ASAP1: variants seen among roughly 807,000 people sequenced by gnomAD.
ASAP1 encodes the protein arf-GAP with SH3 domain, ANK repeat and PH domain-containing protein 1.
ASAP1 carries 43 observed loss-of-function variants against 145.2 expected under a neutral mutation model. The ratio of observed to expected loss-of-function variants is 0.30; its 90% confidence interval spans 0.23 to 0.38. ASAP1 has a LOEUF of 0.38. Among genes scored for constraint, ASAP1 ranks in the 10% least tolerant of loss-of-function variants. The probability of loss-of-function intolerance (pLI) is 1.00; values close to 1 mark genes in which losing one functional copy is unlikely to be tolerated. For synonymous variants in ASAP1, 546 were observed against 515.5 expected (o/e 1.06, Z -0.80); for missense variants, 1,018 against 1,355.3 (o/e 0.75, Z 3.91).
chr8:130,215,990 GAAAGGAAAGGAAAGGAAAGGAAAGGAA>G (rs1332475668), intron 4 of ASAP1, among the ~76,000 whole-genome samples: 25 of 123,078 alleles, frequency 2.0e-4, no homozygotes, highest in African/African-American at 7.7e-4. Context: ...GAAAGGAAAG[GAAAGGAAAGGAAAGGAAAGGAAAGGAA>G]AAAGGAAAGG....
At chr8:130,223,854 ATTTG>A (rs142693215) in intron 4 of ASAP1, among the ~76,000 whole-genome samples, 9,655 of 151,996 alleles carry the variant, frequency 0.064, 1,042 homozygotes, top group African/African-American at 0.22. Flanking sequence ...CATGATAAAC[ATTTG>A]TTTATCATCT....
intron 4 of ASAP1, among the ~76,000 whole-genome samples, chr8:130,229,796 T>G (rs531023245): frequency 6.6e-6 from 1 of 152,274 alleles, no homozygotes. Flanking sequence ...ATCCCAACGC[T>G]TTAGTAGGCA....
intron 5 of ASAP1, among the ~76,000 whole-genome samples, chr8:130,211,816 G>A (rs966240240): frequency 7.9e-5 from 12 of 152,296 alleles, no homozygotes; most frequent in African/African-American, 2.9e-4. Context: ...AGTCTATAAA[G>A]TACCAAAGCA....
chr8:130,210,584 G>T (rs762629493), intron 5 of ASAP1, among the ~76,000 whole-genome samples: 23 of 152,126 alleles, frequency 1.5e-4, no homozygotes, highest in Admixed American at 7.2e-4. Flanking sequence ...TACCTTGCAC[G>T]CTAAACACAC....
intron 1 of ASAP1, among the ~76,000 whole-genome samples, chr8:130,405,926 A>C (rs1368365500): frequency 6.6e-6 from 1 of 152,218 alleles, no homozygotes; most frequent in Non-Finnish European, 1.5e-5. Context: ...CCAATACCTG[A>C]AGATAAATAC....
At chr8:130,152,343 T>C (rs1161295128) in intron 13 of ASAP1, among the ~76,000 whole-genome samples, 1 of 152,212 alleles carries the variant, frequency 6.6e-6, no homozygotes, top group Non-Finnish European at 1.5e-5. Context: ...AGGGCAAAAC[T>C]TACTGTGCAC....
intron 12 of ASAP1, among the ~76,000 whole-genome samples, chr8:130,155,625 G>A (rs1279033908): frequency 1.3e-5 from 2 of 152,336 alleles, no homozygotes; most frequent in East Asian, 3.9e-4. Context: ...GGGATTACAG[G>A]CATGAGCCAC....
intron 3 of ASAP1, among the ~76,000 whole-genome samples, chr8:130,301,493 C>T (rs1822659356): frequency 6.6e-6 from 1 of 152,198 alleles, no homozygotes; most frequent in East Asian, 1.9e-4. Flanking sequence ...TATAGCTGCA[C>T]TCCATATATA....
chr8:130,140,472 T>TTAGG (rs1391561146), intron 13 of ASAP1, among the ~76,000 whole-genome samples: 1 of 152,046 alleles, frequency 6.6e-6, no homozygotes, highest in African/African-American at 2.4e-5. Flanking sequence ...CATCCAGGTA[T>TTAGG]TAGGCCAAGT....
intron 27 of ASAP1, among the ~76,000 whole-genome samples, chr8:130,070,083 C>G (rs1330456392): frequency 6.6e-6 from 1 of 152,176 alleles, no homozygotes; most frequent in Non-Finnish European, 1.5e-5. Context: ...GTCGCCCAGG[C>G]TGGAGTGCAG....
intron 13 of ASAP1, among the ~76,000 whole-genome samples, chr8:130,147,198 C>CAAAAAAAAA (rs559149769): frequency 1.6e-5 from 1 of 63,338 alleles, no homozygotes; most frequent in Non-Finnish European, 2.7e-5. Context: ...AATGCAGTCT[C>CAAAAAAAAA]AAAAAAAAAA....
At chr8:130,363,178 C>CA (rs1311753369) in intron 2 of ASAP1, among the ~76,000 whole-genome samples, 2 of 152,142 alleles carry the variant, frequency 1.3e-5, no homozygotes, top group Admixed American at 1.3e-4. Context: ...CCTAAGTAGA[C>CA]AATTATTTTT....
intron 2 of ASAP1, among the ~76,000 whole-genome samples, chr8:130,364,440 G>C (rs537544707): frequency 1.1e-4 from 17 of 152,172 alleles, no homozygotes; most frequent in Non-Finnish European, 2.1e-4. Flanking sequence ...ATATGCATGG[G>C]AAACCTGAAG....
rs188218022 is a variant in ASAP1, at chr8:130,233,828, A to G, written c.259+3094T>C. Among the ~76,000 whole-genome samples, 93 of 152,336 alleles carry G rather than the reference A, an allele frequency of 6.1e-4. 1 individual carries two copies. The East Asian group carries it at 0.014, about 23-fold the overall frequency. On this transcript the variant is annotated intron_variant, in intron 4 of 29. Transcript: ENST00000518721. ...AACAGGAGAATATAATAGGTGCTCA[A>G]TAAATATCTTTTCAAACAAACAAAT...
At chr8:130,100,260 G>C (rs1201322976) in intron 24 of ASAP1, among the ~76,000 whole-genome samples, 1 of 152,126 alleles carries the variant, frequency 6.6e-6, no homozygotes, top group East Asian at 1.9e-4. Context: ...TTTCTCTCAT[G>C]ATTAGTGATG....
intron 1 of ASAP1, among the ~76,000 whole-genome samples, chr8:130,437,384 A>AT (rs1356306133): frequency 6.6e-6 from 1 of 152,136 alleles, no homozygotes; most frequent in Non-Finnish European, 1.5e-5. Context: ...CATCTACGAG[A>AT]CCCTTGTGCT....
At chr8:130,405,558 G>A (rs918753133) in intron 1 of ASAP1, among the ~76,000 whole-genome samples, 5 of 152,186 alleles carry the variant, frequency 3.3e-5, no homozygotes, top group African/African-American at 1.2e-4. Flanking sequence ...CCCCTATGGA[G>A]AGCTTCACCC....
intron 3 of ASAP1, among the ~76,000 whole-genome samples, chr8:130,242,074 G>A (rs190670551): frequency 2.4e-4 from 37 of 151,950 alleles, no homozygotes; most frequent in Admixed American, 2.3e-3. Flanking sequence ...CCATCTAGGA[G>A]TGCTCTGAGC....
intron 24 of ASAP1, among the ~76,000 whole-genome samples, chr8:130,109,278 G>A (rs777973770): frequency 6.6e-6 from 1 of 152,150 alleles, no homozygotes; most frequent in Non-Finnish European, 1.5e-5. Context: ...CTGAGCTACT[G>A]AGCTCCTCTG....
Sources: gnomAD v4.1 joint callset for allele counts (sites outside exome capture counted in the v4.1 genomes callset) on GRCh38, gnomAD v4.1.1 for gene constraint, MANE v1.5 for transcripts, NCBI Gene and HGNC (gene_info 2026-07-23, HGNC 2026-07-21) for gene names.